ROBO1: variants seen among roughly 807,000 people sequenced by gnomAD.
The protein encoded by ROBO1 is roundabout guidance receptor 1.
A neutral mutation model predicts 195.9 loss-of-function variants in ROBO1; 149 were observed. The observed-to-expected ratio is 0.76, with a 90% CI of 0.67 to 0.87. The LOEUF (loss-of-function observed/expected upper bound fraction) is 0.87, where lower values mean the gene tolerates loss of function less well. ROBO1 is among the 40% of genes least tolerant of loss of function. ROBO1 has a pLI of 0.00. For synonymous variants in ROBO1, 816 were observed against 733.2 expected (o/e 1.11, Z -1.82); for missense variants, 1,933 against 2,068.3 (o/e 0.93, Z 1.27).
intron 1 of ROBO1, among the ~76,000 whole-genome samples, chr3:79,651,335 G>A (rs1946000461): frequency 6.6e-6 from 1 of 151,982 alleles, no homozygotes; most frequent in African/African-American, 2.4e-5. Context: ...CAAAGATGGT[G>A]GGTGTATGAA....
intron 2 of ROBO1, among the ~76,000 whole-genome samples, chr3:79,567,531 A>G (rs370007595): frequency 5.9e-5 from 9 of 152,132 alleles, no homozygotes; most frequent in African/African-American, 1.9e-4. Context: ...TGCAATCTTT[A>G]TATGTCTTCC....
chr3:79,648,806 A>G (rs538216707), intron 1 of ROBO1, among the ~76,000 whole-genome samples: 1 of 152,220 alleles, frequency 6.6e-6, no homozygotes, highest in East Asian at 1.9e-4. Flanking sequence ...CGAAAAACTA[A>G]AAACATCTCT....
At chr3:79,021,000 A>T (rs554042667) in intron 3 of ROBO1, among the ~76,000 whole-genome samples, 5 of 152,322 alleles carry the variant, frequency 3.3e-5, no homozygotes, top group African/African-American at 1.2e-4. Flanking sequence ...CAAATTGTAC[A>T]TTGATTTTGG....
chr3:79,091,697 G>A (rs1293292564), intron 3 of ROBO1, among the ~76,000 whole-genome samples: 2 of 151,882 alleles, frequency 1.3e-5, no homozygotes, highest in Non-Finnish European at 2.9e-5. Context: ...CTTAGAGCGC[G>A]ACATTTCGGC....
intron 2 of ROBO1, among the ~76,000 whole-genome samples, chr3:79,157,161 A>G (rs2080873590): frequency 6.6e-6 from 1 of 151,742 alleles, no homozygotes. Flanking sequence ...TGCTGCCTTT[A>G]CATTAGAAAT....
intron 4 of ROBO1, among the ~76,000 whole-genome samples, chr3:78,928,691 T>C (rs111473580): frequency 1.3e-5 from 2 of 152,204 alleles, no homozygotes; most frequent in African/African-American, 4.8e-5. Context: ...TTCTAAATCA[T>C]ATTTTCCAAG....
Position 79,496,212 on chromosome 3 carries a change from CAAA to C in ROBO1, c.88+93609_88+93611del, listed in dbSNP as rs751339145. ...TAGGTGACAGAGCAAGACTCTGTCT[CAAA>C]AAAAAAAAAAAAAAAAAAAGACTCG... On this transcript the variant is annotated intron_variant, in intron 2 of 30. Transcript: ENST00000464233. Among the ~76,000 whole-genome samples, 370 of 56,260 alleles carry C rather than the reference CAAA, an allele frequency of 6.6e-3. 2 individuals carry two copies. The highest frequency in any genetic ancestry group is 0.021 in the African/African-American group (347 of 16,226). The allele number at this position is 56,260 out of a possible 152,430, so 36.9% of individuals were successfully genotyped here.
intron 1 of ROBO1, among the ~76,000 whole-genome samples, chr3:79,701,298 G>C (rs754294228): frequency 2.6e-5 from 4 of 151,630 alleles, no homozygotes; most frequent in Non-Finnish European, 1.5e-5. Flanking sequence ...GGATTGCTTT[G>C]GGTATTTGAG....
chr3:78,619,146 T>C (rs540747568), intron 26 of ROBO1, among the ~76,000 whole-genome samples: 73 of 152,226 alleles, frequency 4.8e-4, no homozygotes, highest in South Asian at 2.1e-3. Flanking sequence ...GTTAAAGAGA[T>C]GACATATGGA....
At chr3:79,485,622 G>T (rs1005422416) in intron 2 of ROBO1, among the ~76,000 whole-genome samples, 1 of 151,944 alleles carries the variant, frequency 6.6e-6, no homozygotes, top group African/African-American at 2.4e-5. Flanking sequence ...TGTTCTCAGC[G>T]CTTTAAAATT....
At chr3:79,001,038 G>T (rs555900735) in intron 3 of ROBO1, among the ~76,000 whole-genome samples, 1 of 151,918 alleles carries the variant, frequency 6.6e-6, no homozygotes, top group Non-Finnish European at 1.5e-5. Flanking sequence ...ACCAAACACC[G>T]CATGTTCTCA....
chr3:79,009,246 G>A (rs1240730121), intron 3 of ROBO1, among the ~76,000 whole-genome samples: 5 of 149,890 alleles, frequency 3.3e-5, no homozygotes, highest in South Asian at 4.3e-4. Flanking sequence ...GAGCCACCAC[G>A]CCCAGCCTGA....
chr3:79,554,149 T>G (rs1306530456), intron 2 of ROBO1, among the ~76,000 whole-genome samples: 2 of 152,022 alleles, frequency 1.3e-5, no homozygotes, highest in African/African-American at 4.8e-5. Context: ...TTATCCTTGA[T>G]GTCTTAATAT....
rs1356100837 is a variant in ROBO1, at chr3:78,776,241, TA to T, written c.500-29342del. On this transcript the variant is annotated intron_variant, in intron 4 of 30. Transcript: ENST00000464233. ...CATCAGACACTTGTGAAGAAATTCTTATTTATTTATTTATTTATTTATTTAT... is the reference window on the plus strand; with the variant it reads ...CATCAGACACTTGTGAAGAAATTCTTTTTATTTATTTATTTATTTATTTAT... Among the ~76,000 whole-genome samples, 5 of 82,980 alleles carry T rather than the reference TA, an allele frequency of 6.0e-5. No homozygotes were observed. The East Asian group carries it at 3.8e-3, about 63-fold the overall frequency. The allele number at this position is 82,980 out of a possible 152,430, so 54.4% of individuals were successfully genotyped here. A position where few individuals can be genotyped will look rare whatever the true frequency, so the allele number is the denominator to read the frequency against.
intron 1 of ROBO1, among the ~76,000 whole-genome samples, chr3:79,696,034 T>C (rs1947438503): frequency 6.6e-6 from 1 of 151,484 alleles, no homozygotes; most frequent in Non-Finnish European, 1.5e-5. Context: ...TCTTGAACAC[T>C]GTAATAAAAA....
intron 27 of ROBO1, 62 bp from the exon 28 acceptor site, chr3:78,614,862 A>G (rs1704022283): frequency 2.1e-6 from 3 of 1,426,768 alleles, no homozygotes; most frequent in Non-Finnish European, 2.8e-6. Context: ...TTACAACAGG[A>G]ACAACAAAAA....
chr3:79,558,365 C>T (rs543914401), intron 2 of ROBO1, among the ~76,000 whole-genome samples: 18 of 152,236 alleles, frequency 1.2e-4, no homozygotes, highest in South Asian at 4.1e-4. Context: ...TTTTTTCTTA[C>T]GACATTCTTA....
chr3:78,637,343 G>C (rs1249561397), intron 22 of ROBO1, among the ~76,000 whole-genome samples: 1 of 151,918 alleles, frequency 6.6e-6, no homozygotes, highest in African/African-American at 2.4e-5. Context: ...TTCTAGTTTT[G>C]TTTAACAGTG....
At chr3:79,012,455 T>G (rs1437175086) in intron 3 of ROBO1, among the ~76,000 whole-genome samples, 1 of 152,210 alleles carries the variant, frequency 6.6e-6, no homozygotes, top group South Asian at 2.1e-4. Flanking sequence ...ATTGCTTACC[T>G]TCTATCCACT....
Sources: allele counts gnomAD v4.1 joint callset (sites outside exome capture counted in the v4.1 genomes callset), GRCh38; gene constraint gnomAD v4.1.1; transcripts MANE v1.5; gene names NCBI Gene and HGNC (gene_info 2026-07-23, HGNC 2026-07-21).